The following PCDH15 variants were observed in gnomAD, a reference collection of about 807,000 sequenced individuals.
PCDH15 encodes the protein protocadherin related 15, also known as protocadherin-15.
A neutral mutation model predicts 178.5 loss-of-function variants in PCDH15; 129 were observed. That is an observed-to-expected ratio of 0.72 (90% CI 0.63 to 0.84). The LOEUF (loss-of-function observed/expected upper bound fraction) is 0.84. PCDH15 is among the 40% of genes least tolerant of loss of function. The probability of loss-of-function intolerance (pLI) is 0.00; values close to 1 mark genes in which losing one functional copy is unlikely to be tolerated. For missense variants in PCDH15, 2,230 were observed against 2,099.9 expected (o/e 1.06, Z -1.21); for synonymous variants, 800 against 732.0 (o/e 1.09, Z -1.50).
intron 2 of PCDH15, among the ~76,000 whole-genome samples, chr10:55,062,727 A>C (rs1841464977): frequency 6.6e-6 from 1 of 152,150 alleles, no homozygotes; most frequent in Admixed American, 6.6e-5. Context: ...CCTAAGGTAA[A>C]CTGTGGACTT....
chr10:54,019,493 T>C (rs1016490287), intron 20 of PCDH15, among the ~76,000 whole-genome samples: 1 of 152,106 alleles, frequency 6.6e-6, no homozygotes, highest in Non-Finnish European at 1.5e-5. Context: ...AAGTTTAAGA[T>C]GACGCTCAGA....
chr10:54,875,696 C>A (rs1213521900), intron 3 of PCDH15, among the ~76,000 whole-genome samples: 4 of 152,090 alleles, frequency 2.6e-5, no homozygotes, highest in Non-Finnish European at 5.9e-5. Flanking sequence ...AAAGCCTCAT[C>A]CAGAATAAAA....
At chr10:54,922,465 A>G (rs1670807) in intron 2 of PCDH15, among the ~76,000 whole-genome samples, 20,495 of 152,070 alleles carry the variant, frequency 0.13, 1,567 homozygotes, top group East Asian at 0.23. Context: ...TTACAGGCTC[A>G]TATGTGGAAA....
intron 2 of PCDH15, among the ~76,000 whole-genome samples, chr10:55,329,003 G>A (rs1844120836): frequency 1.8e-5 from 1 of 56,298 alleles, no homozygotes; most frequent in Non-Finnish European, 4.0e-5. Context: ...TTCCATTTTC[G>A]TGTGTGTGTG....
chr10:54,034,733 T>G (rs939749404), intron 18 of PCDH15, among the ~76,000 whole-genome samples: 8 of 151,890 alleles, frequency 5.3e-5, no homozygotes, highest in African/African-American at 1.7e-4. Flanking sequence ...CAGATATACT[T>G]TCCTAGTACC....
intron 29 of PCDH15, among the ~76,000 whole-genome samples, chr10:53,834,775 T>C (rs2077210291): frequency 6.6e-6 from 1 of 152,172 alleles, no homozygotes; most frequent in African/African-American, 2.4e-5. Context: ...ATTCAGCATA[T>C]AATTAATAAA....
intron 21 of PCDH15, among the ~76,000 whole-genome samples, chr10:53,967,300 C>A (rs2089139311): frequency 6.6e-6 from 1 of 152,158 alleles, no homozygotes; most frequent in Non-Finnish European, 1.5e-5. Context: ...GAAGTCTCCC[C>A]ATCCCTCTGG....
At chr10:54,871,363 T>A (rs2131795144) in intron 3 of PCDH15, among the ~76,000 whole-genome samples, 1 of 152,026 alleles carries the variant, frequency 6.6e-6, no homozygotes, top group South Asian at 2.1e-4. Flanking sequence ...ATATTATGTA[T>A]TCCAAGTCTC....
rs189658711 is a variant in PCDH15, at chr10:55,410,169, C to A, written c.-156+217456G>T. Among the ~76,000 whole-genome samples the A allele has an allele frequency of 3.3e-5, 5 of 151,936 alleles. No homozygotes were observed. In the East Asian group the frequency reaches 9.7e-4, roughly 30 times the overall value. ...TACTTACATAAATGTTTGTTTTGCT[C>A]CAAAAATTACATATCACATAAAGCC... On this transcript the variant is annotated intron_variant, in intron 2 of 5. Coordinates refer to the PCDH15 transcript ENST00000613346.
intron 9 of PCDH15, among the ~76,000 whole-genome samples, chr10:54,232,171 T>C (rs1171978986): frequency 6.6e-6 from 1 of 152,150 alleles, no homozygotes. Context: ...CATTGAATAA[T>C]GGGGGGAAAT....
chr10:53,974,832 C>T (rs565772838), intron 21 of PCDH15, among the ~76,000 whole-genome samples: 9 of 151,866 alleles, frequency 5.9e-5, no homozygotes, highest in African/African-American at 1.2e-4. Context: ...GTCTGTTACA[C>T]GATGTTTCAT....
intron 1 of PCDH15, among the ~76,000 whole-genome samples, chr10:54,778,536 A>G (rs1459873604): frequency 6.6e-6 from 1 of 152,150 alleles, no homozygotes; most frequent in African/African-American, 2.4e-5. Flanking sequence ...TTATAAAGTC[A>G]GGTTTCATTT....
intron 2 of PCDH15, among the ~76,000 whole-genome samples, chr10:54,921,315 TTTTA>T (rs936674344): frequency 2.0e-5 from 3 of 150,908 alleles, no homozygotes; most frequent in Admixed American, 1.3e-4. Context: ...TTATTTTTAT[TTTTA>T]TTTATTTTTT....
At chr10:54,958,604 G>A in intron 2 of PCDH15, among the ~76,000 whole-genome samples, 1 of 151,682 alleles carries the variant, frequency 6.6e-6, no homozygotes, top group East Asian at 1.9e-4. Flanking sequence ...CTCTGAAGAA[G>A]CTGAAGAAAA....
chr10:54,034,189 T>G (rs1261813532), intron 18 of PCDH15, among the ~76,000 whole-genome samples: 2 of 152,004 alleles, frequency 1.3e-5, no homozygotes, highest in Admixed American at 1.3e-4. Flanking sequence ...AACTATTTAA[T>G]GAGAGAAAAA....
chr10:54,404,596 A>T (rs1279198864), intron 3 of PCDH15, among the ~76,000 whole-genome samples: 1 of 144,378 alleles, frequency 6.9e-6, no homozygotes, highest in Non-Finnish European at 1.5e-5. Context: ...ACAGGCAAAG[A>T]TGGCATGACC....
intron 3 of PCDH15, among the ~76,000 whole-genome samples, chr10:54,508,757 T>A (rs1179464638): frequency 6.6e-6 from 1 of 152,012 alleles, no homozygotes; most frequent in Non-Finnish European, 1.5e-5. Flanking sequence ...AGCAACAGAG[T>A]CACCAATTTC....
intron 1 of PCDH15, among the ~76,000 whole-genome samples, chr10:55,286,596 A>G (rs1247509559): frequency 6.6e-6 from 1 of 151,854 alleles, no homozygotes; most frequent in Non-Finnish European, 1.5e-5. Flanking sequence ...CTACAAATAC[A>G]AGGAAAACAG....
Position 55,373,806 on chromosome 10 carries a change from C to G in PCDH15, c.-155-207155G>C, listed in dbSNP as rs528563632. Among the ~76,000 whole-genome samples, 75 of 151,944 alleles carry G rather than the reference C, an allele frequency of 4.9e-4. 5 individuals carry two copies. In the South Asian group the frequency reaches 0.015, roughly 31 times the overall value. On this transcript the variant is annotated intron_variant, in intron 2 of 5. Coordinates refer to the PCDH15 transcript ENST00000613346. The stretch of plus-strand genomic sequence containing the variant: ...AGGGATTTTATGGTTTCAGGTCTTA[C>G]GTTTAAGTCTTTAATCACCTCATTA...
Sources: gnomAD v4.1 joint callset for allele counts (sites outside exome capture counted in the v4.1 genomes callset) on GRCh38, gnomAD v4.1.1 for gene constraint, MANE v1.5 for transcripts, NCBI Gene and HGNC (gene_info 2026-07-23, HGNC 2026-07-21) for gene names.